The following TTC17 variants were observed in gnomAD, a reference collection of about 807,000 sequenced individuals.
The protein encoded by TTC17 is tetratricopeptide repeat domain 17.
A neutral mutation model predicts 143.8 loss-of-function variants in TTC17; 58 were observed. The observed-to-expected ratio is 0.40, with a 90% CI of 0.33 to 0.50. The LOEUF (loss-of-function observed/expected upper bound fraction) is 0.50. Ranked by LOEUF, TTC17 falls within the 20% of genes least tolerant of loss-of-function variation. The pLI is 0.49. For synonymous variants in TTC17, 501 were observed against 497.8 expected, an observed-to-expected ratio of 1.01 and a Z score of -0.09; for missense variants, 1,273 against 1,392.5, an observed-to-expected ratio of 0.91 and a Z score of 1.37.
At chr11:43,458,872 G>A (rs1947812275) in intron 21 of TTC17, among the ~76,000 whole-genome samples, 2 of 151,962 alleles carry the variant, frequency 1.3e-5, no homozygotes, top group African/African-American at 2.4e-5. Context: ...TAATTGTTCT[G>A]TTTTATTATT....
intron 5 of TTC17, chr11:43,395,426 T>C (rs1857549845): frequency 6.6e-6 from 1 of 152,166 alleles, no homozygotes; most frequent in Non-Finnish European, 1.5e-5. Flanking sequence ...ATTGAACTTT[T>C]TGTCCCCGTT....
intron 16 of TTC17, among the ~76,000 whole-genome samples, chr11:43,421,404 C>G (rs1946901891): frequency 6.6e-6 from 1 of 152,142 alleles, no homozygotes; most frequent in Non-Finnish European, 1.5e-5. Context: ...GCAGACCATT[C>G]TAATAATGTG....
chr11:43,441,986 G>A lies in TTC17; in HGVS notation c.2252-1339G>A, dbSNP rs533739117. 4.6e-5 allele frequency among the ~76,000 whole-genome samples: 7 copies of A among 152,246 alleles called. No individual in the cohort carries two copies. In the East Asian group the frequency reaches 7.7e-4, roughly 17 times the overall value. Reference sequence around the variant, plus strand: ...TGCGTCCTTGGGTGATTTTGCCGTCGTGGGAACATCATAGAGTGTACTGTA... The same window carrying A: ...TGCGTCCTTGGGTGATTTTGCCGTCATGGGAACATCATAGAGTGTACTGTA... On this transcript the variant is annotated intron_variant, in intron 16 of 23. Coordinates refer to ENST00000039989, the MANE Select transcript of TTC17 (RefSeq NM_018259.6).
intron 1 of TTC17, among the ~76,000 whole-genome samples, chr11:43,376,385 T>G (rs2134469165): frequency 6.6e-6 from 1 of 152,344 alleles, no homozygotes; most frequent in Admixed American, 6.5e-5. Context: ...TAAAATACTT[T>G]TCATAATTTC....
At chr11:43,400,198 A>G in intron 9 of TTC17, 150 bp downstream of exon 9, 1 of 888,618 alleles carries the variant, frequency 1.1e-6, no homozygotes. Context: ...CACTGTGGGT[A>G]TACCAGGAGG....
At chr11:43,396,212 G>C (rs1273538423) in intron 5 of TTC17, 1 of 147,064 alleles carries the variant, frequency 6.8e-6, no homozygotes, top group Non-Finnish European at 1.5e-5. Context: ...TTAGCTGTTT[G>C]TTCATGTTTT....
intron 21 of TTC17, 66 bp downstream of exon 21, chr11:43,451,331 G>T: frequency 6.8e-7 from 1 of 1,478,616 alleles, no homozygotes; most frequent in Non-Finnish European, 9.4e-7. Context: ...TAAGTTATTT[G>T]CTCCTAAGTG....
At chr11:43,361,178 C>G (rs60343041) in intron 1 of TTC17, among the ~76,000 whole-genome samples, 34,331 of 152,056 alleles carry the variant, frequency 0.23, 5,745 homozygotes, top group African/African-American at 0.46. Flanking sequence ...CCTTCCTGGC[C>G]ATAATTTGTA....
At chr11:43,438,056 T>C (rs1947331046) in intron 16 of TTC17, among the ~76,000 whole-genome samples, 1 of 152,262 alleles carries the variant, frequency 6.6e-6, no homozygotes, top group Non-Finnish European at 1.5e-5. Flanking sequence ...ATTGTTTATA[T>C]GTTAAATTGT....
chr11:43,448,214 G>A, intron 19 of TTC17, 92 bp downstream of exon 19: 1 of 1,525,640 alleles, frequency 6.6e-7, no homozygotes, highest in Non-Finnish European at 8.8e-7. Context: ...GCTAGTAGAA[G>A]AGTTATCCTT....
intron 1 of TTC17, among the ~76,000 whole-genome samples, chr11:43,372,564 C>G (rs920416972): frequency 1.3e-5 from 2 of 151,676 alleles, no homozygotes; most frequent in Admixed American, 1.3e-4. Flanking sequence ...GTGCCTGGCT[C>G]ACTGCAACCT....
At chr11:43,438,749 C>T (rs1326346350) in intron 16 of TTC17, among the ~76,000 whole-genome samples, 1 of 152,170 alleles carries the variant, frequency 6.6e-6, no homozygotes, top group Admixed American at 6.5e-5. Context: ...ACTCATCTTT[C>T]CATCCTCTGC....
chr11:43,470,590 C>T (rs1227483085), intron 21 of TTC17, among the ~76,000 whole-genome samples: 1 of 152,142 alleles, frequency 6.6e-6, no homozygotes, highest in African/African-American at 2.4e-5. Flanking sequence ...TTACCTGTAA[C>T]AGATATTAGA....
At chr11:43,418,380 T>C (rs1946825004) in intron 16 of TTC17, among the ~76,000 whole-genome samples, 1 of 152,198 alleles carries the variant, frequency 6.6e-6, no homozygotes, top group African/African-American at 2.4e-5. Context: ...TTTTTTTACT[T>C]GCCCACTCTT....
At chr11:43,363,090 C>T (rs1856183781) in intron 1 of TTC17, among the ~76,000 whole-genome samples, 1 of 152,116 alleles carries the variant, frequency 6.6e-6, no homozygotes, top group African/African-American at 2.4e-5. Context: ...AACTTCGACC[C>T]CATGGACTTA....
chr11:43,467,864 G>A (rs1023721527), intron 21 of TTC17, among the ~76,000 whole-genome samples: 1 of 150,200 alleles, frequency 6.7e-6, no homozygotes, highest in African/African-American at 2.4e-5. Flanking sequence ...AAGGACATGT[G>A]GGACACATCC....
chr11:43,476,566 A>T (rs990491250), intron 21 of TTC17, among the ~76,000 whole-genome samples: 1 of 152,198 alleles, frequency 6.6e-6, no homozygotes. Flanking sequence ...CTGTGCACCC[A>T]CAGGCTCAAC....
At chr11:43,444,337 A>C (rs1025198483) in intron 18 of TTC17, 128 bp downstream of exon 18, 1 of 893,196 alleles carries the variant, frequency 1.1e-6, no homozygotes, top group East Asian at 2.9e-5. Flanking sequence ...TGGTCAAGAA[A>C]CCAGTCTATC....
chr11:43,452,386 G>A (rs1252280088), intron 21 of TTC17, among the ~76,000 whole-genome samples: 2 of 152,090 alleles, frequency 1.3e-5, no homozygotes, highest in African/African-American at 4.8e-5. Flanking sequence ...TGTAATCCCA[G>A]CTACTTGAGA....
Sources: gnomAD v4.1 joint callset for allele counts (sites outside exome capture counted in the v4.1 genomes callset) on GRCh38, gnomAD v4.1.1 for gene constraint, MANE v1.5 for transcripts, NCBI Gene and HGNC (gene_info 2026-07-23, HGNC 2026-07-21) for gene names.